UST: variants seen among roughly 807,000 people sequenced by gnomAD.
The protein encoded by UST is chondroitin sulfate 2-O-sulfotransferase.
Under a neutral mutation model 45.6 loss-of-function variants are expected in UST, and 21 were observed. That is an observed-to-expected ratio of 0.46 (90% CI 0.33 to 0.66). UST has a LOEUF of 0.66. Ranked by LOEUF, UST falls within the 30% of genes least tolerant of loss-of-function variation. The probability of loss-of-function intolerance (pLI) is 0.02; values close to 1 mark genes in which losing one functional copy is unlikely to be tolerated. For synonymous variants in UST, 215 were observed against 200.6 expected, an observed-to-expected ratio of 1.07 and a Z score of -0.61; for missense variants, 463 against 512.4, an observed-to-expected ratio of 0.90 and a Z score of 0.93.
At chr6:148,896,471 C>T (rs943727775) in intron 2 of UST, among the ~76,000 whole-genome samples, 1 of 152,164 alleles carries the variant, frequency 6.6e-6, no homozygotes, top group Non-Finnish European at 1.5e-5. Context: ...TGGTTCCACG[C>T]TCCTATTCAT....
intron 2 of UST, among the ~76,000 whole-genome samples, chr6:148,925,960 TACAGTGAGTTCCTTTG>T (rs1779806912): frequency 6.6e-6 from 1 of 152,232 alleles, no homozygotes; most frequent in Non-Finnish European, 1.5e-5. Flanking sequence ...TTACAAAAAC[TACAGTGAGTTCCTTTG>T]ACAGCTTGTG....
chr6:149,045,154 T>G (rs1169429897), intron 7 of UST, among the ~76,000 whole-genome samples: 1 of 139,128 alleles, frequency 7.2e-6, no homozygotes, highest in Non-Finnish European at 1.6e-5. Context: ...TTACTCAAAG[T>G]GTGGATGTGT....
At position 149,043,003 on chromosome 6, in the gene UST, C is replaced by A. The variant is rs867312914; in HGVS notation, c.937+21522C>A. 2.5e-4 allele frequency among the ~76,000 whole-genome samples: 29 copies of A among 115,964 alleles called. No individual in the cohort carries two copies. The South Asian group carries it at 2.8e-3, about 11-fold the overall frequency. The allele number at this position is 115,964 out of a possible 152,430, so 76.1% of individuals were successfully genotyped here. ...TCTTTCTTTCTTTCTTTCTTTCTTTCTTTCTTTCTTTCTTTCTTTTTCTTT... is the reference window on the plus strand; with the variant it reads ...TCTTTCTTTCTTTCTTTCTTTCTTTATTTCTTTCTTTCTTTCTTTTTCTTT... On this transcript the variant is annotated intron_variant, in intron 7 of 7. Transcript: ENST00000367463.
intron 1 of UST, among the ~76,000 whole-genome samples, chr6:148,759,411 C>T (rs1776160808): frequency 6.6e-6 from 1 of 151,710 alleles, no homozygotes; most frequent in Non-Finnish European, 1.5e-5. Context: ...CCTGTAGTCC[C>T]AGCTACTAGG....
intron 5 of UST, among the ~76,000 whole-genome samples, chr6:148,981,194 A>G (rs527722749): frequency 2.0e-5 from 3 of 152,274 alleles, no homozygotes; most frequent in African/African-American, 7.2e-5. Context: ...TATTCCAGGT[A>G]CTGTTTAGCA....
At chr6:148,778,771 A>G (rs1486664553) in intron 1 of UST, among the ~76,000 whole-genome samples, 1 of 152,176 alleles carries the variant, frequency 6.6e-6, no homozygotes. Flanking sequence ...TTGAAACTCC[A>G]GGCCTGGGGC....
intron 7 of UST, among the ~76,000 whole-genome samples, chr6:149,053,299 G>C (rs1271224789): frequency 6.6e-6 from 1 of 152,108 alleles, no homozygotes; most frequent in Admixed American, 6.5e-5. Context: ...CAATTTAATA[G>C]TAATTTGGTC....
At chr6:148,766,334 A>ACTCTCACCCACTCACCCACTTG (rs1359259233) in intron 1 of UST, among the ~76,000 whole-genome samples, 174 of 151,412 alleles carry the variant, frequency 1.1e-3, no homozygotes, top group African/African-American at 3.6e-3. Flanking sequence ...TTCTCCTATC[A>ACTCTCACCCACTCACCCACTTG]CTCTCACCCA....
At chr6:148,852,636 A>AACT (rs1778128764) in intron 1 of UST, among the ~76,000 whole-genome samples, 1 of 152,136 alleles carries the variant, frequency 6.6e-6, no homozygotes, top group Non-Finnish European at 1.5e-5. Flanking sequence ...CTGCCTAGTG[A>AACT]ACTGTTCACT....
intron 5 of UST, among the ~76,000 whole-genome samples, chr6:148,974,232 C>CT (rs1780973684): frequency 6.6e-6 from 1 of 151,938 alleles, no homozygotes; most frequent in South Asian, 2.1e-4. Context: ...TATCTTGGAG[C>CT]TTCAGAATAA....
At chr6:148,825,696 A>G (rs111487691) in intron 1 of UST, among the ~76,000 whole-genome samples, 6 of 152,334 alleles carry the variant, frequency 3.9e-5, no homozygotes, top group African/African-American at 1.4e-4. Context: ...CATGAGCTCA[A>G]CAGAAGCTGA....
At chr6:148,887,651 T>A (rs1778937705) in intron 2 of UST, among the ~76,000 whole-genome samples, 1 of 152,246 alleles carries the variant, frequency 6.6e-6, no homozygotes, top group South Asian at 2.1e-4. Context: ...AATTGATCAT[T>A]GTATATAAGA....
intron 7 of UST, among the ~76,000 whole-genome samples, chr6:149,059,520 G>T (rs1003600241): frequency 4.6e-5 from 7 of 152,214 alleles, no homozygotes; most frequent in African/African-American, 1.7e-4. Context: ...GAGATCTCCA[G>T]ATTGCCCAGG....
intron 1 of UST, among the ~76,000 whole-genome samples, chr6:148,885,438 T>G (rs1353793684): frequency 6.6e-6 from 1 of 152,180 alleles, no homozygotes; most frequent in Non-Finnish European, 1.5e-5. Flanking sequence ...AGATCTTACA[T>G]CCTATTCATG....
intron 4 of UST, among the ~76,000 whole-genome samples, chr6:148,959,583 C>T (rs1046627684): frequency 2.0e-5 from 3 of 152,172 alleles, no homozygotes; most frequent in African/African-American, 7.2e-5. Context: ...ATCTCTGCCG[C>T]TGCATGGGCC....
chr6:149,066,845 G>T (rs1776737421), intron 7 of UST, among the ~76,000 whole-genome samples: 1 of 152,144 alleles, frequency 6.6e-6, no homozygotes, highest in Non-Finnish European at 1.5e-5. Flanking sequence ...GAGGTTGAGG[G>T]GAGGATCGCT....
chr6:149,015,502 A>G lies in UST; in HGVS notation c.682-3637A>G, dbSNP rs561355901. ...TGCAGGGGTGCCCATGGTGTGTGCCAAGACTCAGGAACCAGAGGAGCAAGT... is the reference window on the plus strand; with the variant it reads ...TGCAGGGGTGCCCATGGTGTGTGCCGAGACTCAGGAACCAGAGGAGCAAGT... On this transcript the variant is annotated intron_variant, in intron 5 of 7. Coordinates refer to ENST00000367463, the MANE Select transcript of UST (RefSeq NM_005715.3). Among the ~76,000 whole-genome samples the G allele has an allele frequency of 2.0e-5, 3 of 152,342 alleles. No homozygotes were observed. The South Asian group carries it at 6.2e-4, about 32-fold the overall frequency.
chr6:148,894,354 G>A (rs1461355133), intron 2 of UST, among the ~76,000 whole-genome samples: 1 of 152,142 alleles, frequency 6.6e-6, no homozygotes, highest in African/African-American at 2.4e-5. Flanking sequence ...GGAGAAGGGT[G>A]GACCCTAAAG....
At chr6:148,792,297 T>C (rs927315106) in intron 1 of UST, among the ~76,000 whole-genome samples, 2 of 152,216 alleles carry the variant, frequency 1.3e-5, no homozygotes, top group Non-Finnish European at 2.9e-5. Flanking sequence ...GTGAGTTTCA[T>C]ACTTGACCAA....
Sources: gnomAD v4.1 joint callset for allele counts (sites outside exome capture counted in the v4.1 genomes callset) on GRCh38, gnomAD v4.1.1 for gene constraint, MANE v1.5 for transcripts, NCBI Gene and HGNC (gene_info 2026-07-23, HGNC 2026-07-21) for gene names.